GRIK4: variants seen among roughly 807,000 people sequenced by gnomAD.
GRIK4 encodes glutamate ionotropic receptor kainate type subunit 4.
GRIK4 carries 40 observed loss-of-function variants against 104.9 expected under a neutral mutation model. The ratio of observed to expected loss-of-function variants is 0.38; its 90% CI spans 0.30 to 0.50. The LOEUF is 0.50. GRIK4 is among the 20% of genes least tolerant of loss of function. The pLI, the probability that GRIK4 is intolerant of heterozygous loss-of-function variation, is 0.93. For missense variants in GRIK4, 1,047 were observed against 1,308.1 expected (o/e 0.80, Z 3.08); for synonymous variants, 485 against 524.9 (o/e 0.92, Z 1.04).
At chr11:120,604,771 C>A (rs1485081842) in intron 1 of GRIK4, among the ~76,000 whole-genome samples, 1 of 152,206 alleles carries the variant, frequency 6.6e-6, no homozygotes, top group African/African-American at 2.4e-5. Flanking sequence ...TTGTCAGAGT[C>A]ATCCAGAGAG....
At chr11:120,851,605 A>G (rs1442982533) in intron 8 of GRIK4, among the ~76,000 whole-genome samples, 2 of 152,290 alleles carry the variant, frequency 1.3e-5, no homozygotes, top group South Asian at 2.1e-4. Context: ...TCAAGGAGAC[A>G]CTCATGTTTT....
chr11:120,593,107 CG>C (rs1948755616), intron 1 of GRIK4, among the ~76,000 whole-genome samples: 2 of 146,264 alleles, frequency 1.4e-5, no homozygotes, highest in Non-Finnish European at 3.0e-5. Flanking sequence ...CGCTTGAACC[CG>C]GGAGGCAGAG....
At chr11:120,522,356 C>T (rs368718576) in intron 1 of GRIK4, among the ~76,000 whole-genome samples, 67 of 151,960 alleles carry the variant, frequency 4.4e-4, no homozygotes, top group African/African-American at 1.4e-3. Flanking sequence ...GAGTCTCGCT[C>T]GGTTGCCCAG....
At chr11:120,982,457 C>G (rs2134801755) in intron 20 of GRIK4, among the ~76,000 whole-genome samples, 1 of 152,248 alleles carries the variant, frequency 6.6e-6, no homozygotes, top group African/African-American at 2.4e-5. Flanking sequence ...GGTGAAAGTA[C>G]CAGGTTACTA....
intron 1 of GRIK4, among the ~76,000 whole-genome samples, chr11:120,517,107 C>T (rs564680118): frequency 2.0e-5 from 3 of 149,300 alleles, no homozygotes; most frequent in African/African-American, 5.1e-5. Context: ...GAAGTTCCTC[C>T]GTCTGTGCCT....
At chr11:120,632,755 T>G (rs1318497816) in intron 1 of GRIK4, among the ~76,000 whole-genome samples, 1 of 152,114 alleles carries the variant, frequency 6.6e-6, no homozygotes, top group African/African-American at 2.4e-5. Context: ...CCCCTTGCAC[T>G]ACCACCAGCA....
chr11:120,748,402 C>G (rs77063173), intron 3 of GRIK4, among the ~76,000 whole-genome samples: 2 of 152,160 alleles, frequency 1.3e-5, no homozygotes, highest in East Asian at 3.9e-4. Flanking sequence ...TACGCAGGCC[C>G]CATGTCTGTG....
At chr11:120,682,466 T>C (rs1310209019) in intron 3 of GRIK4, among the ~76,000 whole-genome samples, 1 of 152,206 alleles carries the variant, frequency 6.6e-6, no homozygotes, top group Non-Finnish European at 1.5e-5. Context: ...TGCTTTTTCT[T>C]TCTCTCGCCA....
chr11:120,515,027 A>C (rs1947707802), intron 1 of GRIK4: 1 of 456,614 alleles, frequency 2.2e-6, no homozygotes, highest in Admixed American at 2.3e-5. Context: ...AGCAGCCGTC[A>C]GTGGCAGTGC....
intron 1 of GRIK4, among the ~76,000 whole-genome samples, chr11:120,614,260 TA>T (rs769090556): frequency 2.0e-5 from 3 of 152,158 alleles, no homozygotes; most frequent in Non-Finnish European, 2.9e-5. Flanking sequence ...TATGGTTTTT[TA>T]AAAGTGCACT....
intron 3 of GRIK4, among the ~76,000 whole-genome samples, chr11:120,779,147 C>T (rs1039266526): frequency 6.6e-6 from 1 of 152,170 alleles, no homozygotes; most frequent in Admixed American, 6.5e-5. Flanking sequence ...ATTTCCTGTC[C>T]TCTGAGAAGT....
At chr11:120,652,191 A>G (rs1447031643) in intron 1 of GRIK4, among the ~76,000 whole-genome samples, 3 of 152,250 alleles carry the variant, frequency 2.0e-5, no homozygotes, top group South Asian at 2.1e-4. Context: ...TAAATATTCA[A>G]TAAAGATTAT....
chr11:120,859,938 G>C (rs1429240943), intron 8 of GRIK4, among the ~76,000 whole-genome samples: 5 of 152,238 alleles, frequency 3.3e-5, no homozygotes, highest in African/African-American at 1.2e-4. Flanking sequence ...CTGGGCTCTG[G>C]GTAGGTGAGC....
intron 13 of GRIK4, among the ~76,000 whole-genome samples, chr11:120,915,243 T>G (rs1000350711): frequency 2.2e-4 from 34 of 152,126 alleles, no homozygotes; most frequent in Non-Finnish European, 4.4e-5. Context: ...GCCAGCGCGC[T>G]GGACTGCACC....
chr11:120,658,878 A>T (rs1949764583), intron 2 of GRIK4, among the ~76,000 whole-genome samples: 1 of 151,494 alleles, frequency 6.6e-6, no homozygotes, highest in African/African-American at 2.4e-5. Flanking sequence ...CCTCCCGAGC[A>T]GCTGGGACTA....
chr11:120,730,773 C>T (rs959754414), intron 3 of GRIK4, among the ~76,000 whole-genome samples: 1 of 152,058 alleles, frequency 6.6e-6, no homozygotes, highest in African/African-American at 2.4e-5. Context: ...TTGTAGAGGT[C>T]TTTCACCTCT....
At chr11:120,932,195 G>A (rs556339224) in intron 13 of GRIK4, among the ~76,000 whole-genome samples, 1 of 141,280 alleles carries the variant, frequency 7.1e-6, no homozygotes, top group Admixed American at 7.3e-5. Context: ...ATACTTGTTC[G>A]CCTCCTCTAT....
chr11:120,665,819 CA>C (rs1949904754), intron 3 of GRIK4, among the ~76,000 whole-genome samples: 1 of 152,204 alleles, frequency 6.6e-6, no homozygotes, highest in Non-Finnish European at 1.5e-5. Context: ...GCCACCAACA[CA>C]TTTTGGGGTG....
At chr11:120,655,385 C>T (rs2135227876) in intron 2 of GRIK4, among the ~76,000 whole-genome samples, 1 of 152,164 alleles carries the variant, frequency 6.6e-6, no homozygotes, top group East Asian at 1.9e-4. Flanking sequence ...GCTGGGGCAT[C>T]AGGTGCCGTA....
Sources: gnomAD v4.1 joint callset for allele counts (sites outside exome capture counted in the v4.1 genomes callset) on GRCh38, gnomAD v4.1.1 for gene constraint, MANE v1.5 for transcripts, NCBI Gene and HGNC (gene_info 2026-07-23, HGNC 2026-07-21) for gene names.